The following ICA1 variants were observed in gnomAD, a reference collection of about 807,000 sequenced individuals.
ICA1 encodes islet cell autoantigen 1.
Under a neutral mutation model 71.0 loss-of-function variants are expected in ICA1, and 40 were observed. That is an observed-to-expected ratio of 0.56 (90% CI 0.44 to 0.73). ICA1 has a LOEUF of 0.73. Ranked by LOEUF, ICA1 falls within the 30% of genes least tolerant of loss-of-function variation. The pLI, the probability that ICA1 is intolerant of heterozygous loss-of-function variation, is 0.00. For synonymous variants in ICA1, 207 were observed against 209.5 expected, an observed-to-expected ratio of 0.99 and a Z score of 0.10; for missense variants, 578 against 576.5, an observed-to-expected ratio of 1.00 and a Z score of -0.03.
intron 8 of ICA1, among the ~76,000 whole-genome samples, chr7:8,154,952 C>A (rs1333733949): frequency 6.6e-6 from 1 of 152,056 alleles, no homozygotes; most frequent in Non-Finnish European, 1.5e-5. Flanking sequence ...TAGGTTGGTG[C>A]AAAAGTAATT....
chr7:8,120,855 TG>T (rs1306633835), intron 13 of ICA1, among the ~76,000 whole-genome samples: 3 of 152,278 alleles, frequency 2.0e-5, no homozygotes, highest in Non-Finnish European at 2.9e-5. Flanking sequence ...CGCTTTGCCA[TG>T]GGTGTCATTT....
chr7:8,237,472 CTTTTAA>C (rs1385674951), intron 1 of ICA1, among the ~76,000 whole-genome samples: 1 of 152,046 alleles, frequency 6.6e-6, no homozygotes, highest in Non-Finnish European at 1.5e-5. Context: ...AAAGTTTATT[CTTTTAA>C]TTTAAAAGTG....
At chr7:8,157,300 T>C in intron 7 of ICA1, 86 bp from the exon 8 acceptor site, 2 of 1,233,172 alleles carry the variant, frequency 1.6e-6, no homozygotes, top group Non-Finnish European at 2.3e-6. Flanking sequence ...CTCTGTAGCT[T>C]TGAAGATTCT....
intron 1 of ICA1, among the ~76,000 whole-genome samples, chr7:8,237,060 G>A (rs761165546): frequency 1.3e-4 from 20 of 152,208 alleles, no homozygotes; most frequent in Non-Finnish European, 2.1e-4. Context: ...CAAATCCCAC[G>A]CTTCAGGTAT....
intron 1 of ICA1, among the ~76,000 whole-genome samples, chr7:8,247,596 G>A (rs750898633): frequency 5.3e-5 from 8 of 152,226 alleles, no homozygotes; most frequent in Non-Finnish European, 7.3e-5. Flanking sequence ...CAGGTTTTAA[G>A]TACAGAGTTT....
intron 1 of ICA1, among the ~76,000 whole-genome samples, chr7:8,250,545 G>A (rs1378906759): frequency 6.6e-6 from 1 of 152,034 alleles, no homozygotes; most frequent in African/African-American, 2.4e-5. Context: ...TTTTTGACGT[G>A]GACACGATTA....
At chr7:8,232,943 C>A (rs1375073480) in intron 2 of ICA1, among the ~76,000 whole-genome samples, 188 bp from the exon 3 acceptor site, 1 of 152,148 alleles carries the variant, frequency 6.6e-6, no homozygotes, top group Non-Finnish European at 1.5e-5. Context: ...GACTCAAAAA[C>A]CTTAAAAGTC....
intron 6 of ICA1, among the ~76,000 whole-genome samples, chr7:8,175,147 G>A (rs1780182768): frequency 1.3e-5 from 2 of 152,076 alleles, no homozygotes; most frequent in South Asian, 2.1e-4. Flanking sequence ...GCGGGGAGGG[G>A]CACAGAGTGG....
chr7:8,215,600 A>G (rs940849418), intron 6 of ICA1, among the ~76,000 whole-genome samples: 3 of 152,214 alleles, frequency 2.0e-5, no homozygotes, highest in African/African-American at 7.2e-5. Flanking sequence ...CTGCCTGAAC[A>G]GGGCCCAGCT....
intron 6 of ICA1, among the ~76,000 whole-genome samples, chr7:8,206,385 T>A (rs1791542891): frequency 6.6e-6 from 1 of 152,144 alleles, no homozygotes; most frequent in South Asian, 2.1e-4. Flanking sequence ...GGAACTTAGC[T>A]TCCCATCTTT....
intron 1 of ICA1, among the ~76,000 whole-genome samples, chr7:8,249,040 T>C (rs1807169656): frequency 6.6e-6 from 1 of 152,232 alleles, no homozygotes; most frequent in East Asian, 1.9e-4. Context: ...CAAACTTCAG[T>C]AAAATTATAA....
intron 6 of ICA1, among the ~76,000 whole-genome samples, chr7:8,182,834 T>C (rs944584288): frequency 6.6e-6 from 1 of 152,226 alleles, no homozygotes; most frequent in Non-Finnish European, 1.5e-5. Context: ...GAAAACCCAC[T>C]GTCACTGTAA....
intron 1 of ICA1, among the ~76,000 whole-genome samples, chr7:8,247,534 G>T (rs981032116): frequency 6.6e-6 from 1 of 152,138 alleles, no homozygotes; most frequent in Non-Finnish European, 1.5e-5. Context: ...CATAAGACAT[G>T]CATAGTAGTT....
At chr7:8,227,130 G>A (rs6974928) in intron 4 of ICA1, among the ~76,000 whole-genome samples, 27,116 of 152,148 alleles carry the variant, frequency 0.18, 6,350 homozygotes, top group African/African-American at 0.54. Context: ...CATGGTGAGT[G>A]CTAGGGGGAT....
At chr7:8,153,365 T>C (rs577952070) in intron 8 of ICA1, among the ~76,000 whole-genome samples, 12 of 152,278 alleles carry the variant, frequency 7.9e-5, no homozygotes, top group Admixed American at 7.2e-4. Flanking sequence ...GTATGTCCAC[T>C]GCTGCGAGGG....
intron 2 of ICA1, among the ~76,000 whole-genome samples, chr7:8,233,943 C>T (rs1801044941): frequency 6.6e-6 from 1 of 152,172 alleles, no homozygotes; most frequent in Non-Finnish European, 1.5e-5. Flanking sequence ...TAGAAACTGG[C>T]CGGGCATGGT....
chr7:8,152,456 G>A (rs1417474607), intron 8 of ICA1, among the ~76,000 whole-genome samples: 4 of 151,538 alleles, frequency 2.6e-5, no homozygotes, highest in Admixed American at 6.6e-5. Flanking sequence ...CCTCACCACT[G>A]CCACCACCAT....
intron 6 of ICA1, among the ~76,000 whole-genome samples, chr7:8,175,121 G>C (rs1780171161): frequency 6.6e-6 from 1 of 152,042 alleles, no homozygotes; most frequent in African/African-American, 2.4e-5. Flanking sequence ...AGGTTGAAAA[G>C]AATGTGGGGG....
At chr7:8,247,815 A>C (rs908729847) in intron 1 of ICA1, among the ~76,000 whole-genome samples, 3 of 152,228 alleles carry the variant, frequency 2.0e-5, no homozygotes, top group Non-Finnish European at 4.4e-5. Context: ...ACTTCTGATT[A>C]CTTTTGAATT....
Sources: allele counts gnomAD v4.1 joint callset (sites outside exome capture counted in the v4.1 genomes callset), GRCh38; gene constraint gnomAD v4.1.1; transcripts MANE v1.5; gene names NCBI Gene and HGNC (gene_info 2026-07-23, HGNC 2026-07-21).